The following LY86 variants were observed in gnomAD, a reference collection of about 807,000 sequenced individuals.
LY86 encodes MD-1, RP105-associated.
LY86 carries 20 observed loss-of-function variants against 17.3 expected under a neutral mutation model. The ratio of observed to expected loss-of-function variants is 1.15; its 90% confidence interval spans 0.81 to 1.68. The LOEUF (loss-of-function observed/expected upper bound fraction) is 1.68, where lower values mean the gene tolerates loss of function less well. LY86 is among the 40% of genes most tolerant of loss of function. The pLI is 0.00. For missense variants in LY86, 200 were observed against 191.9 expected, an observed-to-expected ratio of 1.04 and a Z score of -0.25; for synonymous variants, 74 against 70.6, an observed-to-expected ratio of 1.05 and a Z score of -0.24.
Position 6,602,686 on chromosome 6 carries a change from CTTG to C in LY86, c.136+13818_136+13820del, listed in dbSNP as rs532856946. Among the ~76,000 whole-genome samples the C allele has an allele frequency of 1.4e-3, 207 of 152,198 alleles. 1 individual carries two copies. The highest frequency in any genetic ancestry group is 4.4e-3 in the Admixed American group (68 of 15,296). On this transcript the variant is annotated intron_variant, in intron 1 of 4. Coordinates refer to ENST00000230568, the MANE Select transcript of LY86 (RefSeq NM_004271.4). ...TCAGTCCTGGGGACCCTGGGGAGCCCTTGTGAAACATGCCTTAGAGATGTCATA... is the reference window on the plus strand; with the variant it reads ...TCAGTCCTGGGGACCCTGGGGAGCCCTGAAACATGCCTTAGAGATGTCATA...
At chr6:6,589,664 A>T (rs1337014808) in intron 1 of LY86, among the ~76,000 whole-genome samples, 2 of 152,098 alleles carry the variant, frequency 1.3e-5, no homozygotes, top group Non-Finnish European at 2.9e-5. Context: ...GTTTCTCCTG[A>T]GACCTCTCTT....
At chr6:6,650,032 C>T (rs1256649243) in intron 4 of LY86, among the ~76,000 whole-genome samples, 1 of 152,098 alleles carries the variant, frequency 6.6e-6, no homozygotes, top group Non-Finnish European at 1.5e-5. Flanking sequence ...TGCTGCTGGG[C>T]TGTGTGGGCG....
chr6:6,596,581 T>C (rs900964940), intron 1 of LY86, among the ~76,000 whole-genome samples: 13 of 152,252 alleles, frequency 8.5e-5, no homozygotes, highest in Admixed American at 1.3e-4. Context: ...GGGATGACTC[T>C]GGGCGCGCAG....
chr6:6,652,058 A>G (rs962311718), intron 4 of LY86, among the ~76,000 whole-genome samples: 23 of 88,736 alleles, frequency 2.6e-4, no homozygotes, highest in African/African-American at 1.2e-3. Context: ...TCCATCTCAA[A>G]AAAAAAAAAA....
chr6:6,610,845 G>A (rs112857704), intron 1 of LY86, among the ~76,000 whole-genome samples: 178 of 152,282 alleles, frequency 1.2e-3, no homozygotes, highest in African/African-American at 4.0e-3. Flanking sequence ...GCATGTCTGA[G>A]CTTACCTGCA....
At chr6:6,646,734 G>A (rs965508981) in intron 3 of LY86, among the ~76,000 whole-genome samples, 5 of 152,044 alleles carry the variant, frequency 3.3e-5, no homozygotes, top group Admixed American at 2.0e-4. Flanking sequence ...TAGATTCTAC[G>A]GTATATTATT....
At chr6:6,613,047 T>TA (rs1024283106) in intron 1 of LY86, among the ~76,000 whole-genome samples, 1 of 151,958 alleles carries the variant, frequency 6.6e-6, no homozygotes, top group African/African-American at 2.4e-5. Flanking sequence ...TGGCTAGACA[T>TA]AAAGCTTCTC....
intron 3 of LY86, among the ~76,000 whole-genome samples, chr6:6,646,920 C>A (rs372754687): frequency 1.1e-4 from 17 of 151,640 alleles, no homozygotes; most frequent in Admixed American, 9.9e-4. Context: ...CCACAAACCT[C>A]AAAAAAAAGC....
Position 6,588,849 on chromosome 6 carries a change from G to C in LY86, c.115G>C (p.Glu39Gln), listed in dbSNP as rs1251752325. The change falls in exon 1 of 5, where the codon GAA (glutamate) becomes CAA (glutamine). Residue 39 changes from glutamate (E) to glutamine (Q), a missense_variant. By Grantham distance (29) the Glu-to-Gln change is conservative (BLOSUM62 2). Coordinates refer to ENST00000230568, the MANE Select transcript of LY86 (RefSeq NM_004271.4). ...THVVCSDSGL[E>Q]VLYQSCDPLQ... ...CGTGGTCTGTAGCGACAGCGGCTTG[G>C]AAGTGCTCTACCAGAGTTGCGGTAA... The C allele has an allele frequency of 6.2e-7, 1 of 1,614,080 alleles. No homozygotes were observed. The highest frequency in any genetic ancestry group is 1.7e-5 in the Admixed American group (1 of 60,026).
At chr6:6,622,743 A>AT (rs3840174) in intron 1 of LY86, 62,735 of 152,074 alleles carry the variant, frequency 0.41, 13,136 homozygotes, top group African/African-American at 0.48. Flanking sequence ...CTGGAACACT[A>AT]CATTGGCAAA....
At chr6:6,595,147 A>AGAGGAGGAGAGAAAAGAGCGG (rs1390507433) in intron 1 of LY86, among the ~76,000 whole-genome samples, 24 of 145,358 alleles carry the variant, frequency 1.7e-4, no homozygotes, top group Admixed American at 3.4e-4. Context: ...AGAGGGAAAG[A>AGAGGAGGAGAGAAAAGAGCGG]GAGGAGGAGA....
chr6:6,654,344 T>C (rs1461994365), intron 4 of LY86, among the ~76,000 whole-genome samples, 200 bp from the exon 5 acceptor site: 3 of 152,208 alleles, frequency 2.0e-5, no homozygotes, highest in African/African-American at 4.8e-5. Context: ...ACACCATACA[T>C]AGTCACATAT....
Position 6,606,570 on chromosome 6 carries a change from G to C in LY86, c.136+17700G>C, listed in dbSNP as rs564635660. Among the ~76,000 whole-genome samples, 246 of 152,256 alleles carry C rather than the reference G, an allele frequency of 1.6e-3. 1 individual carries two copies. Among genetic ancestry groups the C allele is most frequent in the African/African-American group, 5.7e-3 (235 of 41,544 alleles). ...TGGGCGGCACAGGAGCCCACGGAGC[G>C]GGGGGAGGCTCAGGCATGGCGGGCT... On this transcript the variant is annotated intron_variant, in intron 1 of 4. Transcript: ENST00000230568.
chr6:6,633,718 C>A (rs1761926886), intron 3 of LY86, among the ~76,000 whole-genome samples: 1 of 152,180 alleles, frequency 6.6e-6, no homozygotes, highest in Non-Finnish European at 1.5e-5. Context: ...TCTATGAGTT[C>A]TGACCAGGGT....
chr6:6,621,606 G>A (rs569990470), intron 1 of LY86: 44 of 152,216 alleles, frequency 2.9e-4, no homozygotes, highest in Non-Finnish European at 5.7e-4. Flanking sequence ...CTGGCATCTG[G>A]TGGGTAGAGA....
Position 6,592,941 on chromosome 6 carries a change from C to T in LY86, c.136+4071C>T, listed in dbSNP as rs537872355. On this transcript the variant is annotated intron_variant, in intron 1 of 4. Coordinates refer to ENST00000230568, the MANE Select transcript of LY86 (RefSeq NM_004271.4). The stretch of plus-strand genomic sequence containing the variant: ...GTTAGGACACATGTAACAGATAGAG[C>T]AGCATGAGAGGTAAGAGCTTAGAAT... Among the ~76,000 whole-genome samples, 6 of 152,334 alleles carry T rather than the reference C, an allele frequency of 3.9e-5. No individual in the cohort carries two copies. The South Asian group carries it at 1.2e-3, about 32-fold the overall frequency.
At chr6:6,624,544 A>G (rs1022850808) in intron 1 of LY86, among the ~76,000 whole-genome samples, 2 of 152,334 alleles carry the variant, frequency 1.3e-5, no homozygotes, top group Non-Finnish European at 2.9e-5. Context: ...CTGTTTTGAT[A>G]ATAATAATAG....
At chr6:6,588,933 G>A (rs926253834) in intron 1 of LY86, 63 bp downstream of exon 1, 36 of 1,560,754 alleles carry the variant, frequency 2.3e-5, no homozygotes, top group African/African-American at 2.2e-4. Context: ...GATGTGAGCC[G>A]CTAGTGCTCA....
At chr6:6,643,759 C>T (rs1001554270) in intron 3 of LY86, among the ~76,000 whole-genome samples, 1 of 152,190 alleles carries the variant, frequency 6.6e-6, no homozygotes, top group Non-Finnish European at 1.5e-5. Context: ...CGTGCAGGCA[C>T]ACATGTGCAC....
Sources: allele counts gnomAD v4.1 joint callset (sites outside exome capture counted in the v4.1 genomes callset), GRCh38; gene constraint gnomAD v4.1.1; transcripts MANE v1.5; gene names NCBI Gene and HGNC (gene_info 2026-07-23, HGNC 2026-07-21).